PPFIA2: variants seen among roughly 807,000 people sequenced by gnomAD.
PPFIA2 encodes the protein liprin-alpha-2.
PPFIA2 carries 46 observed loss-of-function variants against 175.5 expected under a neutral mutation model. The ratio of observed to expected loss-of-function variants is 0.26; its 90% confidence interval spans 0.21 to 0.34. PPFIA2 has a LOEUF of 0.34. PPFIA2 is among the 10% of genes least tolerant of loss of function. The pLI is 1.00. For synonymous variants in PPFIA2, 568 were observed against 511.4 expected (o/e 1.11, Z -1.49); for missense variants, 1,179 against 1,506.1 (o/e 0.78, Z 3.60).
intron 4 of PPFIA2, among the ~76,000 whole-genome samples, chr12:81,626,957 A>T (rs1336910777): frequency 6.6e-6 from 1 of 152,104 alleles, no homozygotes; most frequent in Admixed American, 6.6e-5. Flanking sequence ...ATTTTAATCC[A>T]TAAAGGATAC....
At chr12:81,716,021 A>C (rs1461745962) in intron 3 of PPFIA2, among the ~76,000 whole-genome samples, 1 of 151,566 alleles carries the variant, frequency 6.6e-6, no homozygotes, top group Non-Finnish European at 1.5e-5. Flanking sequence ...TGAGTAAATA[A>C]ATTAATAACA....
intron 3 of PPFIA2, among the ~76,000 whole-genome samples, chr12:81,684,692 G>A (rs1182420592): frequency 2.0e-5 from 3 of 152,040 alleles, no homozygotes; most frequent in Non-Finnish European, 4.4e-5. Context: ...TCACACAGCT[G>A]GTGAATGCTT....
At chr12:81,535,636 C>T (rs2065261912) in intron 4 of PPFIA2, 1 of 338,604 alleles carries the variant, frequency 3.0e-6, no homozygotes, top group Admixed American at 4.0e-5. Context: ...ACAGCAAACA[C>T]ACACATACAC....
chr12:81,365,821 T>A (rs930106472), intron 14 of PPFIA2, among the ~76,000 whole-genome samples: 2 of 151,824 alleles, frequency 1.3e-5, no homozygotes, highest in Non-Finnish European at 2.9e-5. Flanking sequence ...GACCTATCTT[T>A]CAGGAGATTG....
chr12:81,503,478 T>A (rs1408113684), intron 4 of PPFIA2, among the ~76,000 whole-genome samples: 2 of 151,740 alleles, frequency 1.3e-5, no homozygotes, highest in Non-Finnish European at 2.9e-5. Flanking sequence ...TTGACTCTGG[T>A]CAAATTCTCC....
At chr12:81,313,219 A>C (rs1008222845) in intron 22 of PPFIA2, among the ~76,000 whole-genome samples, 1 of 152,180 alleles carries the variant, frequency 6.6e-6, no homozygotes, top group Non-Finnish European at 1.5e-5. Flanking sequence ...ATATATTACA[A>C]GCATAATAGC....
At chr12:81,476,342 A>C (rs1478902918) in intron 4 of PPFIA2, among the ~76,000 whole-genome samples, 1 of 152,214 alleles carries the variant, frequency 6.6e-6, no homozygotes, top group Non-Finnish European at 1.5e-5. Context: ...TCTAAAGCAG[A>C]AGTTGAATAT....
At chr12:81,636,511 C>T (rs2064070138) in intron 4 of PPFIA2, among the ~76,000 whole-genome samples, 1 of 150,714 alleles carries the variant, frequency 6.6e-6, no homozygotes, top group Admixed American at 6.6e-5. Context: ...GTGATCCGCC[C>T]GCCTCGGCCT....
intron 21 of PPFIA2, among the ~76,000 whole-genome samples, chr12:81,334,524 G>A (rs986054683): frequency 2.5e-4 from 38 of 151,232 alleles, no homozygotes; most frequent in Non-Finnish European, 7.4e-5. Flanking sequence ...TCAACTCTGG[G>A]TCATAAATGC....
intron 4 of PPFIA2, chr12:81,546,345 C>T (rs1375603527): frequency 6.6e-6 from 1 of 152,100 alleles, no homozygotes; most frequent in East Asian, 1.9e-4. Context: ...AAATCACTCT[C>T]ACATTCCCAT....
chr12:81,637,129 G>A (rs1241551880), intron 4 of PPFIA2, among the ~76,000 whole-genome samples: 1 of 150,198 alleles, frequency 6.7e-6, no homozygotes, highest in Admixed American at 6.6e-5. Context: ...GAGTGCAATG[G>A]TGTGATCTCG....
At chr12:81,707,016 C>A (rs530609748) in intron 3 of PPFIA2, among the ~76,000 whole-genome samples, 6 of 152,092 alleles carry the variant, frequency 3.9e-5, no homozygotes, top group South Asian at 4.2e-4. Flanking sequence ...ATACAAAAAT[C>A]AATTCAAGAT....
At chr12:81,282,858 T>G (rs905661060) in intron 26 of PPFIA2, 152 bp downstream of exon 26, 14 of 533,342 alleles carry the variant, frequency 2.6e-5, no homozygotes, top group African/African-American at 1.9e-4. Context: ...ACATATAAAG[T>G]ATTAAACATA....
intron 19 of PPFIA2, among the ~76,000 whole-genome samples, chr12:81,342,099 G>GA (rs1212800570): frequency 1.3e-5 from 2 of 152,030 alleles, no homozygotes; most frequent in African/African-American, 4.8e-5. Context: ...ACCAAAAGAA[G>GA]ATGAGATGGG....
At chr12:81,317,238 A>C (rs2052591868) in intron 22 of PPFIA2, among the ~76,000 whole-genome samples, 1 of 151,624 alleles carries the variant, frequency 6.6e-6, no homozygotes, top group Admixed American at 6.6e-5. Context: ...AAGACCATGA[A>C]GTGCAAGATG....
intron 4 of PPFIA2, among the ~76,000 whole-genome samples, chr12:81,603,265 C>T (rs1313304837): frequency 6.6e-6 from 1 of 151,810 alleles, no homozygotes; most frequent in African/African-American, 2.4e-5. Flanking sequence ...TAATTTGTCT[C>T]CATTCTCTGC....
intron 8 of PPFIA2, among the ~76,000 whole-genome samples, chr12:81,390,065 A>T (rs2039827328): frequency 6.6e-6 from 1 of 152,078 alleles, no homozygotes; most frequent in Non-Finnish European, 1.5e-5. Context: ...AGTTTTATGC[A>T]CTGAGCATGA....
intron 7 of PPFIA2, among the ~76,000 whole-genome samples, chr12:81,411,000 T>C (rs2043861518): frequency 6.6e-6 from 1 of 152,026 alleles, no homozygotes; most frequent in Admixed American, 6.6e-5. Flanking sequence ...AAATTTCCCC[T>C]TTTGTGCCCC....
chr12:81,753,989 T>C lies in PPFIA2; in HGVS notation c.233A>G (p.Asn78Ser), dbSNP rs750621187. The C allele has an allele frequency of 9.9e-6, 16 of 1,613,730 alleles. No homozygotes were observed. The South Asian group carries it at 1.4e-4, about 14-fold the overall frequency. Residue 78 changes from asparagine to serine, a missense_variant, in exon 3 of 33, where the codon AAT becomes AGT. Around this residue, in one of 10 missense-constraint regions of PPFIA2, gnomAD observed 128 missense variants for 141.4 expected, o/e 0.91. Transcript: ENST00000549396. Reference protein sequence around the residue: ...YDRDSLQRQLNSALPQDIESL... With the variant: ...YDRDSLQRQLSSALPQDIESL... ...GAAGCATACCTGTGGCAGGGCTGAA[T>C]TGAGCTGTCTCTGGAGTGAGTCTCG... is the stretch of plus-strand genomic sequence containing the variant.
Sources: gnomAD v4.1 joint callset for allele counts (sites outside exome capture counted in the v4.1 genomes callset) on GRCh38, gnomAD v4.1.1 for gene constraint, gnomAD v4.1.1 regional missense constraint, MANE v1.5 for transcripts, NCBI Gene and HGNC (gene_info 2026-07-23, HGNC 2026-07-21) for gene names.